Variants in IGF2BP2 observed in about 807,000 individuals in gnomAD.
IGF2BP2 encodes insulin-like growth factor 2 mRNA-binding protein 2.
IGF2BP2 carries 17 observed loss-of-function variants against 75.8 expected under a neutral mutation model. The ratio of observed to expected loss-of-function variants is 0.22; its 90% CI spans 0.15 to 0.34. IGF2BP2 has a LOEUF of 0.34. IGF2BP2 is among the 10% of genes least tolerant of loss of function. The pLI, the probability that IGF2BP2 is intolerant of heterozygous loss-of-function variation, is 1.00. For missense variants in IGF2BP2, 516 were observed against 772.4 expected (o/e 0.67, Z 3.93); for synonymous variants, 288 against 295.6 (o/e 0.97, Z 0.26).
chr3:185,677,106 G>GAGAGAT (rs1719672543), intron 7 of IGF2BP2, among the ~76,000 whole-genome samples: 1 of 128,364 alleles, frequency 7.8e-6, no homozygotes, highest in Non-Finnish European at 1.7e-5. Flanking sequence ...GAGAGAGAGA[G>GAGAGAT]ATGTATATAT....
intron 2 of IGF2BP2, among the ~76,000 whole-genome samples, chr3:185,713,092 G>A (rs1725052561): frequency 6.6e-6 from 1 of 151,900 alleles, no homozygotes; most frequent in Non-Finnish European, 1.5e-5. Flanking sequence ...GTGTGTGTGT[G>A]TGTGTGTGTG....
chr3:185,698,153 T>A (rs965863198), intron 3 of IGF2BP2, 146 bp downstream of exon 3: 1 of 655,154 alleles, frequency 1.5e-6, no homozygotes, highest in Non-Finnish European at 2.7e-6. Flanking sequence ...TCATTACAGA[T>A]CACATACATT....
chr3:185,765,540 A>G (rs1732921050), intron 2 of IGF2BP2, among the ~76,000 whole-genome samples: 1 of 152,034 alleles, frequency 6.6e-6, no homozygotes, highest in South Asian at 2.1e-4. Context: ...CCATTTCTAG[A>G]TGCCAGTGTA....
chr3:185,775,655 G>T (rs926514287), intron 2 of IGF2BP2, among the ~76,000 whole-genome samples: 1 of 152,156 alleles, frequency 6.6e-6, no homozygotes, highest in Non-Finnish European at 1.5e-5. Flanking sequence ...AATAAGCTTA[G>T]CAAAAGCAAT....
At chr3:185,734,410 A>G (rs545588808) in intron 2 of IGF2BP2, among the ~76,000 whole-genome samples, 1 of 152,224 alleles carries the variant, frequency 6.6e-6, no homozygotes, top group Admixed American at 6.5e-5. Flanking sequence ...TCCTGTATAC[A>G]TTTTCCTTAC....
Position 185,690,412 on chromosome 3 carries a change from TA to T in IGF2BP2, c.405-786del, listed in dbSNP as rs995445934. Among the ~76,000 whole-genome samples, 583 of 152,298 alleles carry T rather than the reference TA, an allele frequency of 3.8e-3. 2 individuals are homozygous for T. The highest frequency in any genetic ancestry group is 0.013 in the African/African-American group (547 of 41,572). On this transcript the variant is annotated intron_variant, in intron 5 of 15. Coordinates refer to ENST00000382199, the MANE Select transcript of IGF2BP2 (RefSeq NM_006548.6). Reference sequence around the variant, plus strand: ...ATTGTACATACTATGTTCTAACCTTTAAAAAAACAGTTAATATTCTAAAACA... The same window carrying T: ...ATTGTACATACTATGTTCTAACCTTTAAAAAACAGTTAATATTCTAAAACA...
intron 2 of IGF2BP2, among the ~76,000 whole-genome samples, chr3:185,731,177 T>C (rs1010735643): frequency 1.3e-5 from 2 of 151,620 alleles, no homozygotes; most frequent in African/African-American, 4.8e-5. Context: ...AATTTGAAAA[T>C]CACTGCTGTA....
chr3:185,820,984 A>C (rs1050034706), intron 2 of IGF2BP2: 18 of 1,534,272 alleles, frequency 1.2e-5, no homozygotes, highest in Non-Finnish European at 1.6e-5. Flanking sequence ...ATATAACATA[A>C]AAGCTTTGGT....
rs1359779073 is a variant in IGF2BP2, at chr3:185,643,462, C to T, written c.*2069G>A. ...TGCTGAAAAGGTTGCTGGGCCTCAC[C>T]CCCAGGATTTCTGATTCAAGGTGGA... On this transcript the variant is annotated 3_prime_UTR_variant, in exon 16 of 16. Transcript: ENST00000382199. Among the ~76,000 whole-genome samples the T allele has an allele frequency of 2.2e-4, 34 of 152,176 alleles. No individual in the cohort carries two copies. The highest frequency in any genetic ancestry group is 2.2e-3 in the Admixed American group (34 of 15,266).
At chr3:185,755,433 A>G (rs111372860) in intron 2 of IGF2BP2, among the ~76,000 whole-genome samples, 3,533 of 152,318 alleles carry the variant, frequency 0.023, 68 homozygotes, top group Middle Eastern at 0.054. Flanking sequence ...GCCCCCACAT[A>G]GAGTCCCCAC....
At chr3:185,691,841 C>T (rs150925918) in intron 5 of IGF2BP2, among the ~76,000 whole-genome samples, 93 of 152,120 alleles carry the variant, frequency 6.1e-4, no homozygotes, top group African/African-American at 2.2e-3. Flanking sequence ...CTCAAGTGAT[C>T]CTCCTGCCTC....
At chr3:185,648,089 C>T (rs565905387) in intron 14 of IGF2BP2, among the ~76,000 whole-genome samples, 64 of 152,336 alleles carry the variant, frequency 4.2e-4, no homozygotes, top group African/African-American at 1.4e-3. Flanking sequence ...CACACCGCTT[C>T]GTTCTTTCGT....
chr3:185,676,685 C>CTATA (rs141381897), intron 7 of IGF2BP2, among the ~76,000 whole-genome samples: 69 of 131,650 alleles, frequency 5.2e-4, no homozygotes, highest in African/African-American at 1.7e-3. Flanking sequence ...AAAACAACAA[C>CTATA]TATATATATA....
chr3:185,708,590 C>T (rs1005057955), intron 2 of IGF2BP2, among the ~76,000 whole-genome samples: 14 of 151,956 alleles, frequency 9.2e-5, no homozygotes, highest in African/African-American at 2.9e-4. Context: ...TGGCGCACGG[C>T]GGGGTGCAGC....
Position 185,643,782 on chromosome 3 carries a change from T to TC in IGF2BP2, c.*1748_*1749insG, listed in dbSNP as rs1268939137. Reference sequence around the variant, plus strand: ...TTTCTGTTTTTTCTTTTTTTTTCTTTTTTTTTTTTTTTTTTTTGTCACAGA... The same window carrying TC: ...TTTCTGTTTTTTCTTTTTTTTTCTTTCTTTTTTTTTTTTTTTTTGTCACAGA... On this transcript the variant is annotated 3_prime_UTR_variant, in exon 16 of 16. Transcript: ENST00000382199. The TC allele has an allele frequency of 1.4e-5, 2 of 145,600 alleles. No individual in the cohort carries two copies. Among genetic ancestry groups the TC allele is most frequent in the African/African-American group, 2.5e-5 (1 of 39,494 alleles). 9.0% of individuals were successfully genotyped at this position (145,600 alleles called of 1,614,324 possible).
At chr3:185,704,493 A>T (rs1299414933) in intron 2 of IGF2BP2, among the ~76,000 whole-genome samples, 1 of 152,126 alleles carries the variant, frequency 6.6e-6, no homozygotes, top group Non-Finnish European at 1.5e-5. Flanking sequence ...TCTGTCACCC[A>T]TGCTGCAGTG....
At chr3:185,777,850 C>T (rs1357978924) in intron 2 of IGF2BP2, among the ~76,000 whole-genome samples, 16 of 152,088 alleles carry the variant, frequency 1.1e-4, no homozygotes, top group African/African-American at 3.4e-4. Context: ...GAGACCAACC[C>T]GGTCAACATG....
chr3:185,669,486 G>T (rs1310245170), intron 10 of IGF2BP2, among the ~76,000 whole-genome samples: 1 of 144,494 alleles, frequency 6.9e-6, no homozygotes, highest in East Asian at 2.2e-4. Flanking sequence ...TGTGTTTTTT[G>T]GGAAATTCAA....
At chr3:185,689,729 G>C in intron 5 of IGF2BP2, 102 bp from the exon 6 acceptor site, 1 of 1,342,358 alleles carries the variant, frequency 7.4e-7, no homozygotes, top group Non-Finnish European at 1.1e-6. Context: ...AGCACTTTGG[G>C]AGGCCGAGGC....
Sources: allele counts gnomAD v4.1 joint callset (sites outside exome capture counted in the v4.1 genomes callset), GRCh38; gene constraint gnomAD v4.1.1; transcripts MANE v1.5; gene names NCBI Gene and HGNC (gene_info 2026-07-23, HGNC 2026-07-21).